The following PTPRN2 variants were observed in gnomAD, a reference collection of about 807,000 sequenced individuals.
PTPRN2 encodes the protein receptor-type tyrosine-protein phosphatase N2.
Under a neutral mutation model 118.8 loss-of-function variants are expected in PTPRN2, and 74 were observed. The observed-to-expected ratio is 0.62, with a 90% CI of 0.52 to 0.76. The LOEUF (loss-of-function observed/expected upper bound fraction) is 0.76. Ranked by LOEUF, PTPRN2 falls within the 30% of genes least tolerant of loss-of-function variation. PTPRN2 has a pLI of 0.00. For synonymous variants in PTPRN2, 641 were observed against 608.0 expected, an observed-to-expected ratio of 1.05 and a Z score of -0.80; for missense variants, 1,481 against 1,394.4, an observed-to-expected ratio of 1.06 and a Z score of -0.99.
intron 1 of PTPRN2, among the ~76,000 whole-genome samples, chr7:158,548,960 C>A (rs1826465660): frequency 6.6e-6 from 1 of 152,230 alleles, no homozygotes; most frequent in Non-Finnish European, 1.5e-5. Flanking sequence ...CAAGACCACC[C>A]CAGCCCAGGC....
intron 2 of PTPRN2, among the ~76,000 whole-genome samples, chr7:158,387,038 C>A (rs1182902731): frequency 1.3e-5 from 2 of 152,162 alleles, no homozygotes; most frequent in East Asian, 3.9e-4. Flanking sequence ...TCTGCCCAGG[C>A]TCTTTTGATG....
intron 14 of PTPRN2, among the ~76,000 whole-genome samples, chr7:157,649,920 T>C (rs1404230254): frequency 1.3e-5 from 1 of 79,306 alleles, no homozygotes; most frequent in African/African-American, 3.7e-5. Flanking sequence ...CTGAACTCGG[T>C]GGGTCGGACC....
chr7:158,013,345 C>A lies in PTPRN2; in HGVS notation c.1723+67953G>T, dbSNP rs182277962. 3.3e-5 allele frequency among the ~76,000 whole-genome samples: 5 copies of A among 152,280 alleles called. No homozygotes were observed. The East Asian group carries it at 7.7e-4, about 23-fold the overall frequency. ...ATTGCAATTGCTGAATATTCTCCAG[C>A]AAACCATTCATCTATATATCCATCC... On this transcript the variant is annotated intron_variant, in intron 11 of 22. Transcript: ENST00000389418.
intron 11 of PTPRN2, among the ~76,000 whole-genome samples, chr7:158,045,856 G>A (rs1031976326): frequency 8.1e-5 from 12 of 149,064 alleles, no homozygotes; most frequent in Non-Finnish European, 1.5e-4. Context: ...CTGCGATCCT[G>A]ACGTCCTGAT....
chr7:158,045,003 C>T (rs917677900), intron 11 of PTPRN2, among the ~76,000 whole-genome samples: 2 of 152,158 alleles, frequency 1.3e-5, no homozygotes, highest in Non-Finnish European at 1.5e-5. Flanking sequence ...AACCACTGCT[C>T]GGTTATATTT....
At chr7:158,147,775 T>C (rs1237257555) in intron 6 of PTPRN2, among the ~76,000 whole-genome samples, 3 of 90,716 alleles carry the variant, frequency 3.3e-5, no homozygotes, top group East Asian at 3.3e-4. Flanking sequence ...TCACGCCACG[T>C]GTTATTCCCC....
chr7:158,023,542 AAGG>A (rs1807059242), intron 11 of PTPRN2, among the ~76,000 whole-genome samples: 1 of 152,174 alleles, frequency 6.6e-6, no homozygotes, highest in East Asian at 1.9e-4. Context: ...ATCCACTGCA[AAGG>A]AGAAGAGCCG....
intron 4 of PTPRN2, among the ~76,000 whole-genome samples, chr7:158,193,905 CAAAAAAAAA>C (rs56234740): frequency 8.1e-6 from 1 of 123,918 alleles, no homozygotes; most frequent in African/African-American, 2.9e-5. Context: ...GGCTCTGTCT[CAAAAAAAAA>C]AAAAAAAAAA....
intron 2 of PTPRN2, among the ~76,000 whole-genome samples, chr7:158,446,788 C>T (rs2129436766): frequency 6.6e-6 from 1 of 152,222 alleles, no homozygotes; most frequent in African/African-American, 2.4e-5. Flanking sequence ...CAGCCTCTGT[C>T]CACCATCAGG....
At position 157,831,701 on chromosome 7, in the gene PTPRN2, C is replaced by T. The variant is rs911795429; in HGVS notation, c.1788+66972G>A. The stretch of plus-strand genomic sequence containing the variant: ...TGAGCTCCCCTCTACTTCGGGCCTG[C>T]GAGAAGCAGGGAAGGTATAGGCTGC... On this transcript the variant is annotated intron_variant, in intron 12 of 22. Coordinates refer to ENST00000389418, the MANE Select transcript of PTPRN2 (RefSeq NM_002847.5). The surrounding 1 kb of genome is among the most constrained non-coding windows in gnomAD (Gnocchi z 4.8). Among the ~76,000 whole-genome samples, 3 of 152,144 alleles carry T rather than the reference C, an allele frequency of 2.0e-5. No homozygotes were observed. The highest frequency in any genetic ancestry group is 4.4e-5 in the Non-Finnish European group (3 of 68,030).
At chr7:157,737,882 G>A (rs966350905) in intron 12 of PTPRN2, among the ~76,000 whole-genome samples, 16 of 152,346 alleles carry the variant, frequency 1.1e-4, no homozygotes, top group Non-Finnish European at 1.5e-4. Context: ...GTGTCTGGGC[G>A]GGGGAGGAGG....
chr7:158,442,956 G>A (rs1817454595), intron 2 of PTPRN2, among the ~76,000 whole-genome samples: 1 of 146,078 alleles, frequency 6.8e-6, no homozygotes, highest in Admixed American at 6.9e-5. Flanking sequence ...TGAGTTAAAA[G>A]AAATATTTAT....
At chr7:158,080,396 CGCTGTG>C in intron 11 of PTPRN2, among the ~76,000 whole-genome samples, 1 of 150,356 alleles carries the variant, frequency 6.7e-6, no homozygotes, top group East Asian at 2.0e-4. Flanking sequence ...TGTCATTTCC[CGCTGTG>C]GCTGGGTCAG....
intron 3 of PTPRN2, among the ~76,000 whole-genome samples, chr7:158,287,393 C>T (rs1799835212): frequency 6.6e-6 from 1 of 151,728 alleles, no homozygotes; most frequent in Non-Finnish European, 1.5e-5. Context: ...TTTATAGTAC[C>T]TTGAGGTGTA....
At chr7:158,025,608 G>A (rs1220758204) in intron 11 of PTPRN2, among the ~76,000 whole-genome samples, 1 of 152,182 alleles carries the variant, frequency 6.6e-6, no homozygotes, top group East Asian at 1.9e-4. Context: ...ACACATATGT[G>A]ACCACCTTGG....
Position 158,146,751 on chromosome 7 carries a change from C to A in PTPRN2, c.911-8236G>T, listed in dbSNP as rs1172952367. The stretch of plus-strand genomic sequence containing the variant: ...AAAAAAAAAAGAAAGAAAAAAGAAA[C>A]AATAGAAAATTAAAAGCTTCATTTT... On this transcript the variant is annotated intron_variant, in intron 6 of 22. Transcript: ENST00000389418. 2.2e-4 allele frequency among the ~76,000 whole-genome samples: 33 copies of A among 150,362 alleles called. No homozygotes were observed. In the East Asian group the frequency reaches 5.5e-3, roughly 25 times the overall value.
intron 6 of PTPRN2, among the ~76,000 whole-genome samples, chr7:158,149,157 A>T (rs957720989): frequency 1.3e-5 from 2 of 150,266 alleles, no homozygotes; most frequent in African/African-American, 2.4e-5. Context: ...TTTCCCCCTC[A>T]GTGACACCCC....
intron 11 of PTPRN2, among the ~76,000 whole-genome samples, chr7:157,905,089 G>A (rs1228146855): frequency 1.3e-5 from 2 of 152,184 alleles, no homozygotes; most frequent in Non-Finnish European, 2.9e-5. Context: ...ATCCTGACAC[G>A]TCTGCACTGG....
At chr7:158,324,192 T>C (rs1803285665) in intron 2 of PTPRN2, among the ~76,000 whole-genome samples, 1 of 152,132 alleles carries the variant, frequency 6.6e-6, no homozygotes, top group African/African-American at 2.4e-5. Flanking sequence ...ACCTCGCCTC[T>C]ACCGCCCTGC....
Sources: gnomAD v4.1 joint callset for allele counts (sites outside exome capture counted in the v4.1 genomes callset) on GRCh38, gnomAD v4.1.1 for gene constraint, Gnocchi (gnomAD v3.1) non-coding constraint, MANE v1.5 for transcripts, NCBI Gene and HGNC (gene_info 2026-07-23, HGNC 2026-07-21) for gene names.